HIVEP3: variants seen among roughly 807,000 people sequenced by gnomAD.
HIVEP3 encodes the protein HIVEP zinc finger 3, also known as transcription factor HIVEP3.
In HIVEP3, 49 loss-of-function variants were observed where a neutral mutation model predicts 152.8. The ratio of observed to expected loss-of-function variants is 0.32; its 90% CI spans 0.26 to 0.41. The LOEUF is 0.41. Among genes scored for constraint, HIVEP3 ranks in the 10% least tolerant of loss-of-function variants. HIVEP3 has a pLI of 1.00. For missense variants in HIVEP3, 2,790 were observed against 3,103.3 expected (o/e 0.90, Z 2.40); for synonymous variants, 1,269 against 1,289.0 (o/e 0.98, Z 0.33).
chr1:41,915,305 T>C (rs1253238974), intron 1 of HIVEP3, among the ~76,000 whole-genome samples: 1 of 152,240 alleles, frequency 6.6e-6, no homozygotes, highest in African/African-American at 2.4e-5. Context: ...TTTCACTGAA[T>C]TGCTTACATT....
intron 1 of HIVEP3, among the ~76,000 whole-genome samples, chr1:41,824,289 A>G (rs1300941399): frequency 6.6e-6 from 1 of 152,032 alleles, no homozygotes. Context: ...CTTTCCCCCA[A>G]CTGCTTCAAA....
chr1:41,739,581 C>T (rs180712449), intron 1 of HIVEP3, among the ~76,000 whole-genome samples: 100 of 152,300 alleles, frequency 6.6e-4, no homozygotes, highest in African/African-American at 2.0e-3. Flanking sequence ...GGGTTGCCCC[C>T]ACCCCCTCTG....
intron 1 of HIVEP3, among the ~76,000 whole-genome samples, chr1:41,875,893 T>C (rs1339894665): frequency 3.3e-5 from 5 of 152,234 alleles, no homozygotes; most frequent in African/African-American, 1.2e-4. Flanking sequence ...GATTTTTTGT[T>C]TACTTTTTAA....
At chr1:41,639,781 G>A (rs1047664592) in intron 2 of HIVEP3, among the ~76,000 whole-genome samples, 5 of 152,148 alleles carry the variant, frequency 3.3e-5, no homozygotes, top group Non-Finnish European at 5.9e-5. Context: ...GAACCTTCCC[G>A]GTCCCCAGCT....
intron 2 of HIVEP3, among the ~76,000 whole-genome samples, chr1:41,683,647 A>T (rs1243754932): frequency 6.6e-6 from 1 of 152,200 alleles, no homozygotes; most frequent in Non-Finnish European, 1.5e-5. Context: ...GAAGCCCACA[A>T]TGGCTGTGTG....
At chr1:41,736,074 C>G (rs1360324707) in intron 1 of HIVEP3, among the ~76,000 whole-genome samples, 2 of 152,176 alleles carry the variant, frequency 1.3e-5, no homozygotes, top group African/African-American at 4.8e-5. Flanking sequence ...GAGGCAGCAT[C>G]TGCAGCCAGT....
intron 3 of HIVEP3, among the ~76,000 whole-genome samples, chr1:41,623,697 A>G (rs1645077276): frequency 6.6e-6 from 1 of 152,172 alleles, no homozygotes; most frequent in Non-Finnish European, 1.5e-5. Flanking sequence ...CCAATGTGCA[A>G]TCCCAGCCAC....
At chr1:41,988,140 A>G (rs912414075) in intron 1 of HIVEP3, among the ~76,000 whole-genome samples, 1 of 152,220 alleles carries the variant, frequency 6.6e-6, no homozygotes, top group Admixed American at 6.5e-5. Context: ...CCAGAAAAAG[A>G]CAAAGGAGAA....
chr1:41,946,154 C>T (rs1288373240), intron 1 of HIVEP3, among the ~76,000 whole-genome samples: 5 of 152,192 alleles, frequency 3.3e-5, no homozygotes, highest in Admixed American at 1.3e-4. Flanking sequence ...TCTACAAGGA[C>T]GCTTTAGAAA....
intron 2 of HIVEP3, among the ~76,000 whole-genome samples, chr1:41,653,667 C>A (rs989466806): frequency 6.6e-6 from 1 of 152,174 alleles, no homozygotes; most frequent in East Asian, 1.9e-4. Context: ...GGTGCCTCTC[C>A]TAGATTTCAG....
chr1:42,004,375 T>G (rs1245696014), intron 1 of HIVEP3, among the ~76,000 whole-genome samples: 1 of 152,230 alleles, frequency 6.6e-6, no homozygotes, highest in Non-Finnish European at 1.5e-5. Context: ...TTAATTATGT[T>G]TGCACATCCA....
At chr1:41,708,575 G>A (rs959780114) in intron 1 of HIVEP3, among the ~76,000 whole-genome samples, 3 of 152,144 alleles carry the variant, frequency 2.0e-5, no homozygotes, top group Admixed American at 2.0e-4. Flanking sequence ...CTGGTCCCTG[G>A]AGGGGCCCTG....
At chr1:41,762,165 C>T (rs574699017) in intron 1 of HIVEP3, among the ~76,000 whole-genome samples, 24 of 152,318 alleles carry the variant, frequency 1.6e-4, no homozygotes, top group Non-Finnish European at 2.6e-4. Flanking sequence ...AAGCCCCGGA[C>T]CCAGCCACAT....
Position 41,611,144 on chromosome 1 carries a change from C to T in HIVEP3, c.-522+17605G>A, listed in dbSNP as rs187852009. Among the ~76,000 whole-genome samples, 81 of 152,222 alleles carry T rather than the reference C, an allele frequency of 5.3e-4. 2 individuals carry two copies. Among genetic ancestry groups the T allele is most frequent in the Admixed American group, 1.8e-3 (28 of 15,292 alleles). ...ACACTCCTGTTCTAAACAAAGGTCACGGGTTGTCCAGGGAATTATGAGCAA... is the reference window on the plus strand; with the variant it reads ...ACACTCCTGTTCTAAACAAAGGTCATGGGTTGTCCAGGGAATTATGAGCAA... On this transcript the variant is annotated intron_variant, in intron 3 of 8. Coordinates refer to ENST00000372583, the MANE Select transcript of HIVEP3 (RefSeq NM_024503.5).
chr1:41,517,502 A>G (rs1219857209), intron 7 of HIVEP3, among the ~76,000 whole-genome samples: 2 of 152,224 alleles, frequency 1.3e-5, no homozygotes, highest in Non-Finnish European at 1.5e-5. Context: ...AAGACCACAA[A>G]TACATCCCCA....
chr1:41,709,104 G>A (rs1349282652), intron 1 of HIVEP3, among the ~76,000 whole-genome samples: 4 of 152,218 alleles, frequency 2.6e-5, no homozygotes, highest in Non-Finnish European at 5.9e-5. Context: ...GCCCTGGACT[G>A]TGCCAGCTAC....
At chr1:41,976,561 A>G (rs1211796586) in intron 1 of HIVEP3, among the ~76,000 whole-genome samples, 1 of 152,234 alleles carries the variant, frequency 6.6e-6, no homozygotes, top group Non-Finnish European at 1.5e-5. Context: ...CTTAAAAGTA[A>G]GCATGTTATA....
chr1:41,668,601 G>A (rs1645830181), intron 2 of HIVEP3, among the ~76,000 whole-genome samples: 1 of 152,184 alleles, frequency 6.6e-6, no homozygotes, highest in Admixed American at 6.5e-5. Flanking sequence ...TCCCCATGCT[G>A]TTCCTTCTAC....
intron 2 of HIVEP3, among the ~76,000 whole-genome samples, chr1:41,669,587 C>A (rs1645844277): frequency 6.6e-6 from 1 of 152,150 alleles, no homozygotes; most frequent in Non-Finnish European, 1.5e-5. Flanking sequence ...GAGGAAACTC[C>A]TCCTGCCTGA....
Sources: gnomAD v4.1 joint callset for allele counts (sites outside exome capture counted in the v4.1 genomes callset) on GRCh38, gnomAD v4.1.1 for gene constraint, MANE v1.5 for transcripts, NCBI Gene and HGNC (gene_info 2026-07-23, HGNC 2026-07-21) for gene names.